The following LRRTM3 variants were observed in gnomAD, a reference collection of about 807,000 sequenced individuals.
LRRTM3 encodes leucine-rich repeat transmembrane neuronal protein 3.
LRRTM3 carries 24 observed loss-of-function variants against 44.7 expected under a neutral mutation model. That is an observed-to-expected ratio of 0.54 (90% CI 0.39 to 0.76). LRRTM3 has a LOEUF of 0.76. LRRTM3 is among the 30% of genes least tolerant of loss of function. The pLI, the probability that LRRTM3 is intolerant of heterozygous loss-of-function variation, is 0.00. For missense variants in LRRTM3, 587 were observed against 702.2 expected, an observed-to-expected ratio of 0.84 and a Z score of 1.85; for synonymous variants, 277 against 278.7, an observed-to-expected ratio of 0.99 and a Z score of 0.06.
chr10:67,035,891 G>T (rs1329329709), intron 2 of LRRTM3, among the ~76,000 whole-genome samples: 1 of 152,144 alleles, frequency 6.6e-6, no homozygotes, highest in Non-Finnish European at 1.5e-5. Flanking sequence ...GCCAACATTA[G>T]AATTTTAATT....
At chr10:66,953,900 C>T (rs1848663722) in intron 2 of LRRTM3, among the ~76,000 whole-genome samples, 1 of 152,102 alleles carries the variant, frequency 6.6e-6, no homozygotes, top group Admixed American at 6.6e-5. Flanking sequence ...CATTCTGAAC[C>T]TTCATTTCCT....
chr10:66,941,897 G>A (rs558547000), intron 2 of LRRTM3, among the ~76,000 whole-genome samples: 161 of 152,238 alleles, frequency 1.1e-3, no homozygotes, highest in Middle Eastern at 3.4e-3. Flanking sequence ...TAGATGGGCC[G>A]GCAGAGTTTT....
At chr10:66,994,153 T>A (rs563598656) in intron 2 of LRRTM3, among the ~76,000 whole-genome samples, 1 of 152,162 alleles carries the variant, frequency 6.6e-6, no homozygotes, top group African/African-American at 2.4e-5. Context: ...TATATTCTTA[T>A]AGAAGGTCCC....
chr10:67,053,734 G>A (rs1048120064), intron 2 of LRRTM3, among the ~76,000 whole-genome samples: 1 of 152,166 alleles, frequency 6.6e-6, no homozygotes, highest in African/African-American at 2.4e-5. Flanking sequence ...GGTAAGCAAT[G>A]GAGAAAAGGA....
At chr10:67,042,041 C>T (rs1854425910) in intron 2 of LRRTM3, among the ~76,000 whole-genome samples, 1 of 151,996 alleles carries the variant, frequency 6.6e-6, no homozygotes, top group South Asian at 2.1e-4. Context: ...GTGAGCAGAG[C>T]TGAGGCTGAG....
At chr10:66,990,975 G>C (rs1330816719) in intron 2 of LRRTM3, among the ~76,000 whole-genome samples, 1 of 152,130 alleles carries the variant, frequency 6.6e-6, no homozygotes, top group Non-Finnish European at 1.5e-5. Flanking sequence ...GAGTAATCAT[G>C]ATGGCATGTA....
intron 2 of LRRTM3, among the ~76,000 whole-genome samples, chr10:67,081,037 T>C (rs1186804944): frequency 1.3e-5 from 2 of 152,144 alleles, no homozygotes; most frequent in East Asian, 3.9e-4. Context: ...TTTACCCTAG[T>C]TGGATATTTG....
At position 67,057,213 on chromosome 10, in the gene LRRTM3, T is replaced by C. The variant is rs117195482; in HGVS notation, c.1537-40374T>C. Among the ~76,000 whole-genome samples, 54 of 152,334 alleles carry C rather than the reference T, an allele frequency of 3.5e-4. No homozygotes were observed. In the East Asian group the frequency reaches 0.01, roughly 29 times the overall value. On this transcript the variant is annotated intron_variant, in intron 2 of 2. Coordinates refer to ENST00000361320, the MANE Select transcript of LRRTM3 (RefSeq NM_178011.5). The stretch of plus-strand genomic sequence containing the variant: ...ATACAATGTGATGTTTTGATATACA[T>C]ATAAATTGTGAAATGATTGCCACAA...
rs935605357 is a variant in LRRTM3, at chr10:67,100,249, G to A, written c.*2453G>A. Among the ~76,000 whole-genome samples, 3 of 151,590 alleles carry A rather than the reference G, an allele frequency of 2.0e-5. No homozygotes were observed. The highest frequency in any genetic ancestry group is 7.3e-5 in the African/African-American group (3 of 41,348). On this transcript the variant is annotated 3_prime_UTR_variant, in exon 3 of 3. Coordinates refer to ENST00000361320, the MANE Select transcript of LRRTM3 (RefSeq NM_178011.5). ...CTAAAGTGAACGACTATAAATAGAAGCAATCACCTTGGAACCACAGCTCTG... is the reference window on the plus strand; with the variant it reads ...CTAAAGTGAACGACTATAAATAGAAACAATCACCTTGGAACCACAGCTCTG...
At chr10:66,965,352 T>A (rs894460542) in intron 2 of LRRTM3, among the ~76,000 whole-genome samples, 1 of 151,906 alleles carries the variant, frequency 6.6e-6, no homozygotes, top group Non-Finnish European at 1.5e-5. Flanking sequence ...TTGGCCAACA[T>A]GGTGAAACCC....
chr10:66,936,235 G>T (rs991776529), intron 2 of LRRTM3, among the ~76,000 whole-genome samples: 1 of 152,020 alleles, frequency 6.6e-6, no homozygotes, highest in African/African-American at 2.4e-5. Flanking sequence ...AAATGCAAGA[G>T]CATTAAGCTA....
chr10:67,036,083 A>G (rs760762464), intron 2 of LRRTM3, among the ~76,000 whole-genome samples: 1 of 152,178 alleles, frequency 6.6e-6, no homozygotes, highest in Non-Finnish European at 1.5e-5. Flanking sequence ...TATTTCTATT[A>G]GAGATATTAG....
At chr10:67,033,152 G>A (rs898273430) in intron 2 of LRRTM3, among the ~76,000 whole-genome samples, 2 of 152,154 alleles carry the variant, frequency 1.3e-5, no homozygotes, top group African/African-American at 4.8e-5. Flanking sequence ...TTTAATTTTA[G>A]AGATCATTGC....
chr10:66,998,665 A>G (rs929835758), intron 2 of LRRTM3, among the ~76,000 whole-genome samples: 1 of 152,162 alleles, frequency 6.6e-6, no homozygotes, highest in Non-Finnish European at 1.5e-5. Context: ...AAAATATAGT[A>G]ATTCCAAACT....
intron 2 of LRRTM3, among the ~76,000 whole-genome samples, chr10:67,090,680 A>G (rs745522258): frequency 6.6e-6 from 1 of 152,108 alleles, no homozygotes; most frequent in Non-Finnish European, 1.5e-5. Flanking sequence ...CCTGTGCTAC[A>G]TAGTAAATGC....
At chr10:66,992,078 G>A (rs1851071583) in intron 2 of LRRTM3, among the ~76,000 whole-genome samples, 1 of 152,082 alleles carries the variant, frequency 6.6e-6, no homozygotes, top group Admixed American at 6.5e-5. Flanking sequence ...GACTTCCTCA[G>A]CCTTATCAGA....
chr10:66,945,279 C>A (rs563962423), intron 2 of LRRTM3, among the ~76,000 whole-genome samples: 105 of 152,318 alleles, frequency 6.9e-4, no homozygotes, highest in African/African-American at 2.4e-3. Context: ...TAACTTGTTG[C>A]AGCTTTTACA....
At chr10:67,025,821 C>A (rs537179197) in intron 2 of LRRTM3, among the ~76,000 whole-genome samples, 1 of 151,620 alleles carries the variant, frequency 6.6e-6, no homozygotes, top group Admixed American at 6.6e-5. Flanking sequence ...ATGATTATTG[C>A]GGCACTATTC....
intron 2 of LRRTM3, among the ~76,000 whole-genome samples, chr10:66,984,602 C>T (rs1850625630): frequency 6.6e-6 from 1 of 152,130 alleles, no homozygotes; most frequent in Non-Finnish European, 1.5e-5. Context: ...TCAATGCGTT[C>T]ATGATTCCTT....
Sources: allele counts gnomAD v4.1 joint callset (sites outside exome capture counted in the v4.1 genomes callset), GRCh38; gene constraint gnomAD v4.1.1; transcripts MANE v1.5; gene names NCBI Gene and HGNC (gene_info 2026-07-23, HGNC 2026-07-21).